The following NRG1 variants were observed in gnomAD, a reference collection of about 807,000 sequenced individuals.
NRG1 encodes pro-neuregulin-1, membrane-bound isoform.
A neutral mutation model predicts 63.8 loss-of-function variants in NRG1; 18 were observed. The ratio of observed to expected loss-of-function variants is 0.28; its 90% CI spans 0.19 to 0.42. The LOEUF (loss-of-function observed/expected upper bound fraction) is 0.42. Ranked by LOEUF, NRG1 falls within the 10% of genes least tolerant of loss-of-function variation. The pLI is 1.00. For missense variants in NRG1, 762 were observed against 814.7 expected (o/e 0.94, Z 0.79); for synonymous variants, 302 against 301.3 (o/e 1.00, Z -0.02).
At chr8:31,694,186 C>T (rs1335275543) in intron 1 of NRG1, among the ~76,000 whole-genome samples, 1 of 152,124 alleles carries the variant, frequency 6.6e-6, no homozygotes, top group Non-Finnish European at 1.5e-5. Context: ...TGTAGTGACA[C>T]AGATATTCTG....
At chr8:32,232,570 A>G (rs1321674807) in intron 1 of NRG1, among the ~76,000 whole-genome samples, 1 of 152,158 alleles carries the variant, frequency 6.6e-6, no homozygotes, top group Non-Finnish European at 1.5e-5. Flanking sequence ...TACCCAGACT[A>G]CAAAGGGAAA....
intron 1 of NRG1, among the ~76,000 whole-genome samples, chr8:31,677,970 G>A (rs1269053353): frequency 6.6e-6 from 1 of 150,488 alleles, no homozygotes; most frequent in Non-Finnish European, 1.5e-5. Context: ...ATTCATCTAT[G>A]TACTGCACTT....
At chr8:32,626,408 C>T (rs1563798316) in intron 5 of NRG1, among the ~76,000 whole-genome samples, 1 of 148,868 alleles carries the variant, frequency 6.7e-6, no homozygotes, top group Non-Finnish European at 1.5e-5. Context: ...CAGCCGGGTG[C>T]GGTGGCTCAC....
At chr8:32,218,757 G>A (rs1025047013) in intron 1 of NRG1, among the ~76,000 whole-genome samples, 3 of 152,108 alleles carry the variant, frequency 2.0e-5, no homozygotes, top group African/African-American at 7.2e-5. Context: ...GCACAACCTC[G>A]AAAGCCTGCC....
At chr8:31,845,101 C>A (rs568204550) in intron 1 of NRG1, among the ~76,000 whole-genome samples, 1 of 125,204 alleles carries the variant, frequency 8.0e-6, no homozygotes, top group African/African-American at 3.4e-5. Context: ...GGTGAGACTC[C>A]GTCTCAAATA....
At chr8:32,743,060 T>C in intron 7 of NRG1, 4 of 1,108,238 alleles carry the variant, frequency 3.6e-6, no homozygotes, top group Non-Finnish European at 4.4e-6. Flanking sequence ...GTCTCACTTT[T>C]ATTGATAAAA....
At chr8:32,187,129 A>T (rs1326474653) in intron 1 of NRG1, among the ~76,000 whole-genome samples, 3 of 152,170 alleles carry the variant, frequency 2.0e-5, no homozygotes, top group Non-Finnish European at 2.9e-5. Flanking sequence ...AGAATGTGTT[A>T]ATTAAAGTGG....
intron 1 of NRG1, among the ~76,000 whole-genome samples, chr8:31,691,390 G>C (rs1017454827): frequency 1.3e-5 from 2 of 151,656 alleles, no homozygotes; most frequent in African/African-American, 2.4e-5. Flanking sequence ...GGCGGATCTC[G>C]AGGTCAGGAG....
chr8:32,217,867 G>C (rs997751772), intron 1 of NRG1, among the ~76,000 whole-genome samples: 15 of 152,090 alleles, frequency 9.9e-5, no homozygotes, highest in African/African-American at 3.6e-4. Flanking sequence ...TATATGCCAG[G>C]CTCTGAACTA....
At chr8:32,295,733 G>A (rs763778164) in intron 1 of NRG1, among the ~76,000 whole-genome samples, 1 of 151,808 alleles carries the variant, frequency 6.6e-6, no homozygotes, top group East Asian at 2.0e-4. Context: ...GGTGGATCAC[G>A]GGTCAGGAGT....
At chr8:32,705,629 G>T (rs537945625) in intron 5 of NRG1, among the ~76,000 whole-genome samples, 1 of 152,064 alleles carries the variant, frequency 6.6e-6, no homozygotes, top group African/African-American at 2.4e-5. Flanking sequence ...TGATGAATTC[G>T]AATCAGGATA....
At chr8:32,115,662 T>C (rs2131500476) in intron 1 of NRG1, among the ~76,000 whole-genome samples, 1 of 152,224 alleles carries the variant, frequency 6.6e-6, no homozygotes, top group South Asian at 2.1e-4. Flanking sequence ...TGTTCAAGGG[T>C]ACTTTATGTT....
chr8:31,929,688 C>T (rs1834706729), intron 1 of NRG1, among the ~76,000 whole-genome samples: 1 of 152,180 alleles, frequency 6.6e-6, no homozygotes, highest in Non-Finnish European at 1.5e-5. Context: ...CCAACTAAGA[C>T]ATATAACTTC....
At chr8:32,260,317 T>A (rs1187178992) in intron 1 of NRG1, among the ~76,000 whole-genome samples, 2 of 152,202 alleles carry the variant, frequency 1.3e-5, no homozygotes, top group East Asian at 1.9e-4. Flanking sequence ...AATTTTGAAG[T>A]CTTATGTAGC....
intron 1 of NRG1, among the ~76,000 whole-genome samples, chr8:32,324,025 C>T (rs976551998): frequency 2.0e-5 from 3 of 151,914 alleles, no homozygotes; most frequent in Admixed American, 6.6e-5. Context: ...AAAGTGGCTA[C>T]GTGATCAGAA....
chr8:32,147,202 A>G (rs1045542624), intron 1 of NRG1, among the ~76,000 whole-genome samples: 3 of 152,148 alleles, frequency 2.0e-5, no homozygotes, highest in Admixed American at 6.5e-5. Context: ...TTGACAATAT[A>G]CGTCAAATTT....
chr8:32,553,780 G>T (rs536865972), intron 1 of NRG1, among the ~76,000 whole-genome samples: 3 of 152,052 alleles, frequency 2.0e-5, no homozygotes, highest in Non-Finnish European at 4.4e-5. Context: ...ACAGTATATT[G>T]CCAGCAATGT....
At chr8:32,073,852 T>A (rs80231060) in intron 1 of NRG1, among the ~76,000 whole-genome samples, 4 of 152,288 alleles carry the variant, frequency 2.6e-5, no homozygotes, top group Admixed American at 2.6e-4. Context: ...AGAAAGTTAT[T>A]TTTTTCATGT....
chr8:31,934,419 T>TCTC (rs1835123443), intron 1 of NRG1, among the ~76,000 whole-genome samples: 1 of 130,148 alleles, frequency 7.7e-6, no homozygotes, highest in Non-Finnish European at 1.6e-5. Flanking sequence ...TTATTCGCTC[T>TCTC]CTTTTTTTTT....
Sources: gnomAD v4.1 joint callset for allele counts (sites outside exome capture counted in the v4.1 genomes callset) on GRCh38, gnomAD v4.1.1 for gene constraint, MANE v1.5 for transcripts, NCBI Gene and HGNC (gene_info 2026-07-23, HGNC 2026-07-21) for gene names.